Variants in LRRC7 observed in about 807,000 individuals in gnomAD.
The protein encoded by LRRC7 is leucine-rich repeat-containing protein 7.
LRRC7 carries 23 observed loss-of-function variants against 175.7 expected under a neutral mutation model. The observed-to-expected ratio is 0.13, with a 90% CI of 0.09 to 0.19. The LOEUF (loss-of-function observed/expected upper bound fraction) is 0.19, where lower values mean the gene tolerates loss of function less well. LRRC7 is among the 10% of genes least tolerant of loss of function. The pLI is 1.00. For missense variants in LRRC7, 1,354 were observed against 1,904.7 expected (o/e 0.71, Z 5.38); for synonymous variants, 685 against 680.9 (o/e 1.01, Z -0.09).
At chr1:69,888,847 C>G (rs1182618587) in intron 7 of LRRC7, among the ~76,000 whole-genome samples, 2 of 152,014 alleles carry the variant, frequency 1.3e-5, no homozygotes, top group African/African-American at 4.8e-5. Context: ...CACTGGAGAC[C>G]TAATGTACAG....
chr1:69,754,593 A>G (rs1005708053), intron 2 of LRRC7, among the ~76,000 whole-genome samples: 1 of 152,016 alleles, frequency 6.6e-6, no homozygotes, highest in African/African-American at 2.4e-5. Flanking sequence ...AGTGTTTTGT[A>G]TGTATTCTAG....
chr1:70,127,976 T>G lies in LRRC7; in HGVS notation c.*6089T>G, dbSNP rs78731416. Among the ~76,000 whole-genome samples, 1 of 152,182 alleles carries G rather than the reference T, an allele frequency of 6.6e-6. No individual in the cohort carries two copies. The highest frequency in any genetic ancestry group is 1.5e-5 in the Non-Finnish European group (1 of 68,034). ...ACTTTTTCTTTTCTTTCTTTTTTTT[T>G]CTTGAGACAGAGTCTTGCTGTGTCA... On this transcript the variant is annotated 3_prime_UTR_variant, in exon 27 of 27. Coordinates refer to ENST00000651989, the MANE Select transcript of LRRC7 (RefSeq NM_001370785.2).
At chr1:69,606,425 A>T (rs918828827) in intron 1 of LRRC7, among the ~76,000 whole-genome samples, 3 of 152,122 alleles carry the variant, frequency 2.0e-5, no homozygotes. Context: ...AAGAGTTTTT[A>T]AAAATCTCCT....
At chr1:70,119,988 A>G (rs1055027319) in intron 26 of LRRC7, among the ~76,000 whole-genome samples, 1 of 152,118 alleles carries the variant, frequency 6.6e-6, no homozygotes, top group African/African-American at 2.4e-5. Flanking sequence ...GCATTAAGGT[A>G]GTCAGTACAT....
chr1:70,099,511 A>G (rs1664662461), intron 25 of LRRC7, among the ~76,000 whole-genome samples: 1 of 151,842 alleles, frequency 6.6e-6, no homozygotes, highest in African/African-American at 2.4e-5. Context: ...CTATTCAATT[A>G]GGAAAAGAGG....
intron 2 of LRRC7, among the ~76,000 whole-genome samples, chr1:69,749,986 G>A (rs1419241641): frequency 6.6e-6 from 1 of 151,728 alleles, no homozygotes; most frequent in Non-Finnish European, 1.5e-5. Flanking sequence ...GCTTGAACCC[G>A]GGAGGTGGAG....
chr1:69,980,577 T>C (rs1301520783), intron 9 of LRRC7, 124 bp downstream of exon 9: 11 of 740,174 alleles, frequency 1.5e-5, no homozygotes, highest in Non-Finnish European at 2.4e-5. Flanking sequence ...TCATTAGGAG[T>C]GTTCAGTCAC....
intron 7 of LRRC7, among the ~76,000 whole-genome samples, chr1:69,882,569 T>A (rs1296772395): frequency 6.6e-6 from 1 of 151,914 alleles, no homozygotes; most frequent in Non-Finnish European, 1.5e-5. Context: ...ACAGAGATTC[T>A]ACCATTTGTA....
At chr1:69,824,711 T>C (rs1486534034) in intron 4 of LRRC7, among the ~76,000 whole-genome samples, 7 of 152,102 alleles carry the variant, frequency 4.6e-5, no homozygotes, top group South Asian at 2.1e-4. Context: ...GAATATTTTG[T>C]TTCTTGAGTA....
chr1:69,827,718 A>G (rs1680081686), intron 5 of LRRC7, among the ~76,000 whole-genome samples: 1 of 152,064 alleles, frequency 6.6e-6, no homozygotes, highest in South Asian at 2.1e-4. Context: ...GTGTGCCTGT[A>G]GTCCTAGCTG....
chr1:70,103,642 A>C (rs1228790688), intron 25 of LRRC7, among the ~76,000 whole-genome samples: 1 of 152,210 alleles, frequency 6.6e-6, no homozygotes, highest in African/African-American at 2.4e-5. Flanking sequence ...AGAACAGTAA[A>C]ATAATAAATT....
At chr1:69,767,341 T>C (rs1671738517) in intron 3 of LRRC7, among the ~76,000 whole-genome samples, 1 of 152,236 alleles carries the variant, frequency 6.6e-6, no homozygotes, top group African/African-American at 2.4e-5. Flanking sequence ...CACATATGTG[T>C]AACTATTTTC....
At chr1:69,857,970 A>G (rs1401839867) in intron 7 of LRRC7, among the ~76,000 whole-genome samples, 2 of 152,208 alleles carry the variant, frequency 1.3e-5, no homozygotes, top group African/African-American at 4.8e-5. Flanking sequence ...ATCTACAACC[A>G]TCTGATCTTT....
chr1:69,617,364 T>C (rs1649797985), intron 1 of LRRC7, among the ~76,000 whole-genome samples: 1 of 151,952 alleles, frequency 6.6e-6, no homozygotes, highest in Non-Finnish European at 1.5e-5. Flanking sequence ...TGCTTACCAT[T>C]GTATCACCAG....
chr1:69,695,894 G>A (rs1021160511), intron 2 of LRRC7, among the ~76,000 whole-genome samples: 7 of 152,212 alleles, frequency 4.6e-5, no homozygotes, highest in African/African-American at 1.7e-4. Context: ...GATTTCAGAG[G>A]ATGTGTGGGA....
At position 70,038,632 on chromosome 1, in the gene LRRC7, T is replaced by C. The variant is rs746406177; in HGVS notation, c.2808T>C (p.Asp936=). 4 of 1,614,118 alleles carry C rather than the reference T, an allele frequency of 2.5e-6. No individual in the cohort carries two copies. Among genetic ancestry groups the C allele is most frequent in the Non-Finnish European group, 3.4e-6 (4 of 1,179,982 alleles). The change falls in exon 21 of 27, where the codon GAT becomes GAC. Residue 936 remains aspartate, a synonymous_variant. Transcript: ENST00000651989. ...FSPGVPWEYH[D]SNPNRSLSNV... Reference sequence around the variant, plus strand: ...CAGGCGTACCATGGGAGTATCATGATTCCAATCCCAACAGGAGTCTTAGTA... The same window carrying C: ...CAGGCGTACCATGGGAGTATCATGACTCCAATCCCAACAGGAGTCTTAGTA...
At chr1:69,688,554 G>A (rs949903617) in intron 2 of LRRC7, among the ~76,000 whole-genome samples, 2 of 151,782 alleles carry the variant, frequency 1.3e-5, no homozygotes. Flanking sequence ...TCGATGTTCT[G>A]CAGTTATGAA....
intron 1 of LRRC7, among the ~76,000 whole-genome samples, chr1:69,669,929 A>G (rs1658824850): frequency 2.6e-5 from 4 of 151,932 alleles, no homozygotes; most frequent in African/African-American, 9.7e-5. Context: ...GATTCTTTTT[A>G]ATTATTTCCA....
chr1:69,730,458 G>A (rs1393669383), intron 2 of LRRC7, among the ~76,000 whole-genome samples: 1 of 152,052 alleles, frequency 6.6e-6, no homozygotes, highest in East Asian at 1.9e-4. Context: ...CAAGGGCAGG[G>A]ACAAAATGCC....
Sources: allele counts gnomAD v4.1 joint callset (sites outside exome capture counted in the v4.1 genomes callset), GRCh38; gene constraint gnomAD v4.1.1; transcripts MANE v1.5; gene names NCBI Gene and HGNC (gene_info 2026-07-23, HGNC 2026-07-21).